The following CEP164 variants were observed in gnomAD, a reference collection of about 807,000 sequenced individuals.
The protein encoded by CEP164 is centrosomal protein 164, also known as centrosomal protein of 164 kDa.
A neutral mutation model predicts 182.7 loss-of-function variants in CEP164; 162 were observed. That is an observed-to-expected ratio of 0.89 (90% CI 0.78 to 1.01). The LOEUF (loss-of-function observed/expected upper bound fraction) is 1.01. CEP164 is among the 50% of genes least tolerant of loss of function. The pLI is 0.00. For synonymous variants in CEP164, 661 were observed against 690.0 expected, an observed-to-expected ratio of 0.96 and a Z score of 0.66; for missense variants, 1,735 against 1,790.4, an observed-to-expected ratio of 0.97 and a Z score of 0.56.
chr11:117,338,647 A>T lies in CEP164; in HGVS notation c.61A>T (p.Thr21Ser). The change falls in exon 3 of 33, where the codon ACC (threonine) becomes TCC (serine). Residue 21 changes from threonine to serine, a missense_variant. Physicochemically the swap from Thr to Ser is moderately conservative, Grantham distance 58 (BLOSUM62 1). Transcript: ENST00000278935. ...GGTTCTGGAAGAAGATTATGATGAG[A>T]CCTACATTCCTAGTGAGCAAGGTAA... Reference protein sequence around the residue: ...QLVLEEDYDETYIPSEQEILE... With the variant: ...QLVLEEDYDESYIPSEQEILE... The T allele has an allele frequency of 6.2e-7, 1 of 1,613,934 alleles. No homozygotes were observed. The highest frequency in any genetic ancestry group is 8.5e-7 in the Non-Finnish European group (1 of 1,179,836).
chr11:117,355,048 T>G (rs1012655651), intron 5 of CEP164: 1 of 1,289,526 alleles, frequency 7.8e-7, no homozygotes, highest in Non-Finnish European at 1.0e-6. Flanking sequence ...AGGCTATAAG[T>G]GAGGGATCCT....
rs2047002914 is a variant in CEP164, at chr11:117,408,872, G to T, written c.3610-18G>T. 6.2e-7 allele frequency: 1 copy of T among 1,614,058 alleles called. No homozygotes were observed. The highest frequency in any genetic ancestry group is 2.2e-5 in the East Asian group (1 of 44,884). Reference sequence around the variant, plus strand: ...CACGTGGGAGAGGTGGGTCATAACTGCTGACTTTACCCCACAGGCCTCAGA... The same window carrying T: ...CACGTGGGAGAGGTGGGTCATAACTTCTGACTTTACCCCACAGGCCTCAGA... On this transcript the variant is annotated intron_variant, in intron 28 of 32. Coordinates refer to ENST00000278935, the MANE Select transcript of CEP164 (RefSeq NM_014956.5).
chr11:117,404,950 C>G (rs1310052919), intron 27 of CEP164, among the ~76,000 whole-genome samples: 1 of 152,204 alleles, frequency 6.6e-6, no homozygotes, highest in Non-Finnish European at 1.5e-5. Flanking sequence ...TTTGTTTACA[C>G]TGTGAGGGGA....
chr11:117,323,915 C>A, upstream of CEP164: 2 of 351,382 alleles, frequency 5.7e-6, no homozygotes, highest in South Asian at 2.1e-5. Flanking sequence ...TCTTTTAAGG[C>A]AGTTTGCCCA....
chr11:117,382,820 T>G lies in CEP164; in HGVS notation c.1602T>G (p.Ala534=). Residue 534 remains alanine (A), a synonymous_variant, in exon 14 of 33, where the codon GCT becomes GCG. Transcript: ENST00000278935. Reference sequence around the variant, plus strand: ...GGGAGCAGGCCCCAAGCCCACCTGCTGCCTGTGAGAAGGGCAAGGAGCAGC... The same window carrying G: ...GGGAGCAGGCCCCAAGCCCACCTGCGGCCTGTGAGAAGGGCAAGGAGCAGC... ...LQREQAPSPP[A]ACEKGKEQHS... is the part of the protein sequence containing the mutation. 1 of 1,614,154 alleles carries G rather than the reference T, an allele frequency of 6.2e-7. No homozygotes were observed. Among genetic ancestry groups the G allele is most frequent in the Non-Finnish European group, 8.5e-7 (1 of 1,180,006 alleles).
chr11:117,366,870 G>C (rs2041691310), intron 8 of CEP164, among the ~76,000 whole-genome samples: 1 of 152,072 alleles, frequency 6.6e-6, no homozygotes, highest in Non-Finnish European at 1.5e-5. Flanking sequence ...ATGGCTTTTG[G>C]GGGGCATGTT....
intron 19 of CEP164, 144 bp from the exon 20 acceptor site, chr11:117,392,860 A>C (rs1003914460): frequency 3.2e-5 from 43 of 1,329,572 alleles, no homozygotes; most frequent in Non-Finnish European, 4.3e-5. Flanking sequence ...TGTGCTGACC[A>C]TGGTGTCATG....
At chr11:117,410,110 A>G (rs1207460246) in intron 30 of CEP164, 145 bp downstream of exon 30, 7 of 812,000 alleles carry the variant, frequency 8.6e-6, no homozygotes, top group Non-Finnish European at 1.5e-5. Context: ...CAACGTTACC[A>G]TAGTCCATTG....
chr11:117,371,795 C>CTTTTTTTT (rs34338708), intron 9 of CEP164, among the ~76,000 whole-genome samples: 1 of 138,394 alleles, frequency 7.2e-6, no homozygotes. Context: ...CCCTCTTGTA[C>CTTTTTTTT]TTTTTTTTTT....
rs2040263736 is a variant in CEP164, at chr11:117,356,109, A to AG, written c.393+4123dup. The AG allele has an allele frequency of 4.7e-6, 5 of 1,055,886 alleles. No individual in the cohort carries two copies. In the African/African-American group the frequency reaches 6.8e-5, roughly 14 times the overall value. The allele number at this position is 1,055,886 out of a possible 1,614,324, so 65.4% of individuals were successfully genotyped here. ...AACCTGCAGAGCTCACGGGGATCTG[A>AG]GGAGGGTATGGCTCAGTCAGACTCG... On this transcript the variant is annotated intron_variant, in intron 5 of 32. Transcript: ENST00000278935.
chr11:117,394,077 A>G lies in CEP164; in HGVS notation c.2617-273A>G, dbSNP rs889926633. Among the ~76,000 whole-genome samples, 1 of 152,372 alleles carries G rather than the reference A, an allele frequency of 6.6e-6. No individual in the cohort carries two copies. The highest frequency in any genetic ancestry group is 6.5e-5 in the Admixed American group (1 of 15,310). ...GTGACCTCTCATTCCTTACAGAGGA[A>G]AAGTTGTATATGGTGGAGCCATAGG... On this transcript the variant is annotated intron_variant, in intron 20 of 32. Transcript: ENST00000278935. This position sits in a 1 kb window ranked among gnomAD's most constrained non-coding sequence, Gnocchi z 4.0.
At chr11:117,377,323 C>G (rs1298246372) in intron 11 of CEP164, among the ~76,000 whole-genome samples, 1 of 152,190 alleles carries the variant, frequency 6.6e-6, no homozygotes, top group East Asian at 1.9e-4. Context: ...GGAGGTGGAG[C>G]TCAGGTGATA....
At chr11:117,348,861 T>C (rs1216291340) in intron 4 of CEP164, among the ~76,000 whole-genome samples, 1 of 152,258 alleles carries the variant, frequency 6.6e-6, no homozygotes, top group Non-Finnish European at 1.5e-5. Flanking sequence ...TTGCCTATTC[T>C]AGGTACTTCA....
At chr11:117,359,943 C>T (rs769875061) in intron 5 of CEP164, among the ~76,000 whole-genome samples, 6 of 152,118 alleles carry the variant, frequency 3.9e-5, no homozygotes, top group Non-Finnish European at 7.4e-5. Context: ...AGCGGGAGGT[C>T]TCACGAATTC....
In CEP164 at chr11:117,409,588, C is replaced by T. The variant is rs1565637130; in HGVS notation, c.3749-30C>T. 6.3e-7 allele frequency: 1 copy of T among 1,574,850 alleles called. No homozygotes were observed. The highest frequency in any genetic ancestry group is 8.7e-7 in the Non-Finnish European group (1 of 1,155,736). ...TGGTCCAGGGTCCTGAGCTTGAGTC[C>T]CTTCCCACCATCCACCTCTTTTCTT... is the stretch of plus-strand genomic sequence containing the variant. On this transcript the variant is annotated intron_variant, in intron 29 of 32. Transcript: ENST00000278935. The surrounding 1 kb of genome is among the most constrained non-coding windows in gnomAD (Gnocchi z 4.4).
chr11:117,366,753 C>T (rs575684750), intron 8 of CEP164, among the ~76,000 whole-genome samples: 13 of 152,292 alleles, frequency 8.5e-5, no homozygotes, highest in African/African-American at 2.9e-4. Flanking sequence ...CTGCAGAACA[C>T]GGTCAGTGCA....
chr11:117,347,078 C>T (rs945470774), intron 4 of CEP164, among the ~76,000 whole-genome samples: 2 of 152,088 alleles, frequency 1.3e-5, no homozygotes, highest in East Asian at 3.8e-4. Flanking sequence ...TCTTCTTTGT[C>T]TGTTTGTGTA....
intron 23 of CEP164, 69 bp from the exon 24 acceptor site, chr11:117,395,478 C>A: frequency 6.6e-7 from 1 of 1,503,840 alleles, no homozygotes; most frequent in Non-Finnish European, 9.0e-7. Context: ...CCTACCCTCT[C>A]GTGCTGTCTG....
At chr11:117,339,557 C>A (rs1293378376) in intron 3 of CEP164, among the ~76,000 whole-genome samples, 2 of 104,170 alleles carry the variant, frequency 1.9e-5, no homozygotes, top group East Asian at 3.3e-4. Flanking sequence ...GAGACAGAGT[C>A]TCACTCTGTC....
Sources: gnomAD v4.1 joint callset for allele counts (sites outside exome capture counted in the v4.1 genomes callset) on GRCh38, gnomAD v4.1.1 for gene constraint, Gnocchi (gnomAD v3.1) non-coding constraint, MANE v1.5 for transcripts, NCBI Gene and HGNC (gene_info 2026-07-23, HGNC 2026-07-21) for gene names.